Variants in GLIS3 observed in about 807,000 individuals in gnomAD.
The protein encoded by GLIS3 is zinc finger protein GLIS3.
GLIS3 carries 53 observed loss-of-function variants against 78.6 expected under a neutral mutation model. The observed-to-expected ratio is 0.67, with a 90% confidence interval of 0.54 to 0.85. The LOEUF is 0.85. GLIS3 is among the 40% of genes least tolerant of loss of function. GLIS3 has a pLI of 0.00. For missense variants in GLIS3, 1,703 were observed against 1,231.1 expected (o/e 1.38, Z -5.74); for synonymous variants, 684 against 509.9 (o/e 1.34, Z -4.60).
chr9:4,238,683 G>C (rs1206063926), intron 2 of GLIS3, among the ~76,000 whole-genome samples: 1 of 152,198 alleles, frequency 6.6e-6, no homozygotes, highest in African/African-American at 2.4e-5. Context: ...TGTTCTGTCT[G>C]TGTGTCATTC....
chr9:4,457,013 T>C, the GLIS3 span, among the ~76,000 whole-genome samples: 2 of 152,086 alleles, frequency 1.3e-5, no homozygotes, highest in African/African-American at 4.8e-5. Flanking sequence ...GTTAAAAAAA[T>C]GACACCAGTA....
At chr9:4,310,293 T>C (rs1458307057) in intron 3 of GLIS3, 1 of 152,182 alleles carries the variant, frequency 6.6e-6, no homozygotes, top group Non-Finnish European at 1.5e-5. Flanking sequence ...GAACAGTAAA[T>C]GAAATTATTA....
intron 4 of GLIS3, among the ~76,000 whole-genome samples, chr9:4,014,849 T>C (rs1822312771): frequency 6.6e-6 from 1 of 152,216 alleles, no homozygotes; most frequent in Non-Finnish European, 1.5e-5. Flanking sequence ...GGCTGAATAC[T>C]GGCAGAGCTA....
intron 1 of GLIS3, among the ~76,000 whole-genome samples, chr9:4,289,042 C>T (rs1033901882): frequency 6.6e-6 from 1 of 152,008 alleles, no homozygotes; most frequent in African/African-American, 2.4e-5. Flanking sequence ...AGATATAATC[C>T]TAAGTCTCCT....
chr9:4,186,498 C>T (rs1378074337), intron 2 of GLIS3, among the ~76,000 whole-genome samples: 1 of 151,770 alleles, frequency 6.6e-6, no homozygotes, highest in Non-Finnish European at 1.5e-5. Flanking sequence ...ATTTATAATC[C>T]TTTGGGTATA....
chr9:3,887,205 C>T (rs2130518687), intron 7 of GLIS3, among the ~76,000 whole-genome samples: 1 of 152,270 alleles, frequency 6.6e-6, no homozygotes, highest in Non-Finnish European at 1.5e-5. Context: ...AATCCCTTCT[C>T]AACTGGATCG....
chr9:4,468,503 T>G, the GLIS3 span, among the ~76,000 whole-genome samples: 1 of 152,164 alleles, frequency 6.6e-6, no homozygotes, highest in East Asian at 1.9e-4. Flanking sequence ...AGAAAAGAAT[T>G]TTCAACCCAG....
chr9:4,404,578 A>G, the GLIS3 span, among the ~76,000 whole-genome samples: 3 of 152,240 alleles, frequency 2.0e-5, no homozygotes, highest in African/African-American at 4.8e-5. Flanking sequence ...TTTGGAAACT[A>G]TATAAACACA....
intron 4 of GLIS3, among the ~76,000 whole-genome samples, chr9:4,101,571 T>C (rs1412549464): frequency 1.3e-5 from 2 of 152,202 alleles, no homozygotes; most frequent in African/African-American, 4.8e-5. Context: ...CTAAACAATC[T>C]TATAATTTAG....
At chr9:4,014,793 C>T (rs1822306259) in intron 4 of GLIS3, among the ~76,000 whole-genome samples, 1 of 152,178 alleles carries the variant, frequency 6.6e-6, no homozygotes, top group Non-Finnish European at 1.5e-5. Flanking sequence ...TGCAGATGTA[C>T]ACACTCACAC....
At chr9:3,976,012 T>C (rs1818757199) in intron 4 of GLIS3, among the ~76,000 whole-genome samples, 1 of 152,170 alleles carries the variant, frequency 6.6e-6, no homozygotes, top group East Asian at 1.9e-4. Flanking sequence ...GCGGGCCATA[T>C]GTGTATTTAT....
chr9:4,297,836 C>A (rs866216434), intron 1 of GLIS3, among the ~76,000 whole-genome samples: 3 of 152,126 alleles, frequency 2.0e-5, no homozygotes, highest in South Asian at 2.1e-4. Flanking sequence ...GTGCCGGGAG[C>A]GGGGGAGAGG....
rs1831909749 is a variant in GLIS3, at chr9:4,118,532, A to C, written c.946T>G (p.Phe316Val). ...GGCGACGTGCGGATGATGGTATTGAAATCTATCCCGATGCCATCGGACAGC... is the reference window on the plus strand; with the variant it reads ...GGCGACGTGCGGATGATGGTATTGACATCTATCCCGATGCCATCGGACAGC... ...SPLSDGIGID[F>V]NTIIRTSPTS... The change falls in exon 4 of 11, where the codon TTC becomes GTC. Residue 316 changes from phenylalanine (F) to valine (V), a missense_variant. Phe to Val is a conservative substitution (Grantham distance 50, BLOSUM62 -1). Coordinates refer to ENST00000381971, the MANE Select transcript of GLIS3 (RefSeq NM_001042413.2). The surrounding 1 kb of genome is among the most constrained non-coding windows in gnomAD (Gnocchi z 4.7). The C allele has an allele frequency of 1.2e-6, 2 of 1,614,176 alleles. No homozygotes were observed. The highest frequency in any genetic ancestry group is 4.5e-5 in the East Asian group (2 of 44,874).
chr9:3,948,771 A>C (rs1279432176), intron 4 of GLIS3, among the ~76,000 whole-genome samples: 1 of 152,222 alleles, frequency 6.6e-6, no homozygotes, highest in Non-Finnish European at 1.5e-5. Flanking sequence ...CATAAAAAGT[A>C]AAAGAATGAG....
chr9:4,416,151 T>C, the GLIS3 span, among the ~76,000 whole-genome samples: 1 of 142,766 alleles, frequency 7.0e-6, no homozygotes, highest in Admixed American at 7.6e-5. Context: ...CTTTGGGAGA[T>C]CAAGGCAAGA....
At chr9:4,340,365 G>C (rs1445471012) in intron 2 of GLIS3, among the ~76,000 whole-genome samples, 8 of 140,986 alleles carry the variant, frequency 5.7e-5, no homozygotes, top group Admixed American at 4.5e-4. Context: ...GAGCTGAATA[G>C]AAGTGAGGGG....
chr9:4,070,196 G>T (rs897278373), intron 4 of GLIS3, among the ~76,000 whole-genome samples: 1 of 151,962 alleles, frequency 6.6e-6, no homozygotes, highest in Non-Finnish European at 1.5e-5. Context: ...TAGTATTTCC[G>T]ATTCTTCAAT....
chr9:3,990,168 T>C (rs1169944218), intron 4 of GLIS3, among the ~76,000 whole-genome samples: 1 of 152,212 alleles, frequency 6.6e-6, no homozygotes. Flanking sequence ...CTGTACAATG[T>C]GGAAAGAGCC....
intron 2 of GLIS3, among the ~76,000 whole-genome samples, chr9:4,241,020 C>T (rs1315773565): frequency 3.3e-5 from 5 of 152,016 alleles, no homozygotes; most frequent in African/African-American, 7.2e-5. Flanking sequence ...TGAATCTTAA[C>T]GTGCATTTAT....
Sources: gnomAD v4.1 joint callset for allele counts (sites outside exome capture counted in the v4.1 genomes callset) on GRCh38, gnomAD v4.1.1 for gene constraint, Gnocchi (gnomAD v3.1) non-coding constraint, MANE v1.5 for transcripts, NCBI Gene and HGNC (gene_info 2026-07-23, HGNC 2026-07-21) for gene names.